CCDC38: variants seen among roughly 807,000 people sequenced by gnomAD.
CCDC38 encodes coiled-coil domain containing 38.
Under a neutral mutation model 72.8 loss-of-function variants are expected in CCDC38, and 69 were observed. The ratio of observed to expected loss-of-function variants is 0.95; its 90% CI spans 0.78 to 1.16. The LOEUF (loss-of-function observed/expected upper bound fraction) is 1.16. Among genes scored for constraint, CCDC38 ranks in the 50% most tolerant of loss-of-function variants. The pLI, the probability that CCDC38 is intolerant of heterozygous loss-of-function variation, is 0.00. For missense variants in CCDC38, 626 were observed against 638.9 expected, an observed-to-expected ratio of 0.98 and a Z score of 0.22; for synonymous variants, 201 against 213.2, an observed-to-expected ratio of 0.94 and a Z score of 0.50.
chr12:95,920,390 T>C (rs2080191935), intron 2 of CCDC38, among the ~76,000 whole-genome samples: 1 of 152,216 alleles, frequency 6.6e-6, no homozygotes, highest in Non-Finnish European at 1.5e-5. Flanking sequence ...CCATTAAATC[T>C]CTTTCATTTA....
chr12:95,877,064 G>C (rs1259004519), intron 13 of CCDC38, among the ~76,000 whole-genome samples: 2 of 152,016 alleles, frequency 1.3e-5, no homozygotes, highest in Non-Finnish European at 2.9e-5. Flanking sequence ...AGTTTTATTG[G>C]GGATGAAGAA....
At chr12:95,876,210 T>C (rs1316556815) in intron 13 of CCDC38, among the ~76,000 whole-genome samples, 2 of 152,184 alleles carry the variant, frequency 1.3e-5, no homozygotes, top group Non-Finnish European at 2.9e-5. Context: ...GGACCAATAT[T>C]GTATGATTCT....
intron 1 of CCDC38, 73 bp from the exon 2 acceptor site, chr12:95,936,596 C>A (rs2080397082): frequency 8.2e-7 from 1 of 1,219,606 alleles, no homozygotes; most frequent in Non-Finnish European, 1.2e-6. Context: ...ATTCAACTGC[C>A]AATGACTCCT....
chr12:95,879,923 C>T lies in CCDC38; in HGVS notation c.991-128G>A. 1.6e-6 allele frequency: 1 copy of T among 620,784 alleles called. No homozygotes were observed. The highest frequency in any genetic ancestry group is 2.8e-5 in the East Asian group (1 of 35,530). The allele number at this position is 620,784 out of a possible 1,614,324, so 38.5% of individuals were successfully genotyped here. A position where few individuals can be genotyped will look rare whatever the true frequency, so the allele number is the denominator to read the frequency against. ...AGGATGAGGGAGACACAGGTAGGAA[C>T]TTGTATGGGAAACTCGCCTATTTCC... On this transcript the variant is annotated intron_variant, in intron 11 of 15. Transcript: ENST00000344280. The surrounding 1 kb of genome is among the most constrained non-coding windows in gnomAD (Gnocchi z 5.5).
intron 3 of CCDC38, 62 bp downstream of exon 3, chr12:95,918,814 G>T: frequency 1.8e-6 from 2 of 1,133,856 alleles, no homozygotes; most frequent in Non-Finnish European, 1.3e-6. Flanking sequence ...GTTCATAAGA[G>T]CAATAGGTAA....
At chr12:95,918,000 G>A (rs1403842201) in intron 3 of CCDC38, among the ~76,000 whole-genome samples, 2 of 152,062 alleles carry the variant, frequency 1.3e-5, no homozygotes, top group Non-Finnish European at 2.9e-5. Flanking sequence ...TTAATTTTAA[G>A]TATGTTCCAC....
At chr12:95,901,370 A>C (rs1461049156) in intron 5 of CCDC38, among the ~76,000 whole-genome samples, 1 of 152,210 alleles carries the variant, frequency 6.6e-6, no homozygotes, top group Non-Finnish European at 1.5e-5. Flanking sequence ...TGAAGTCTGA[A>C]ATGGTTATTG....
intron 4 of CCDC38, among the ~76,000 whole-genome samples, chr12:95,908,054 T>C (rs547543026): frequency 1.3e-5 from 2 of 152,134 alleles, no homozygotes; most frequent in Non-Finnish European, 1.5e-5. Flanking sequence ...CCTTCCCAGA[T>C]GGGGTGGCGG....
At chr12:95,907,706 G>T (rs1480729267) in intron 4 of CCDC38, among the ~76,000 whole-genome samples, 1 of 146,806 alleles carries the variant, frequency 6.8e-6, no homozygotes. Flanking sequence ...TGGGCGGAGG[G>T]GCTCCTCACT....
intron 1 of CCDC38, among the ~76,000 whole-genome samples, chr12:95,940,250 C>T (rs779555470): frequency 5.3e-5 from 8 of 152,112 alleles, no homozygotes; most frequent in Non-Finnish European, 8.8e-5. Context: ...GAGGAGTCTA[C>T]CAGCAATATC....
At position 95,881,534 on chromosome 12, in the gene CCDC38, G is replaced by C; in HGVS notation, c.941C>G (p.Ser314Ter). 6.2e-7 allele frequency: 1 copy of C among 1,608,744 alleles called. No individual in the cohort carries two copies. The highest frequency in any genetic ancestry group is 8.5e-7 in the Non-Finnish European group (1 of 1,177,500). ...KKSNLAESFG[S>*]EDSLEFLLDD... Reference sequence around the variant, plus strand: ...TAAAAGGAATTCCAAACTGTCTTCTGAACCGAAACTTTCAGCCAGGCTGTA... The same window carrying C: ...TAAAAGGAATTCCAAACTGTCTTCTCAACCGAAACTTTCAGCCAGGCTGTA... Residue 314 changes from serine (S) to a stop codon, truncating the protein, a stop_gained, in exon 11 of 16, where the codon TCA (serine) becomes TGA (stop). Transcript: ENST00000344280. LOFTEE classifies it high-confidence loss of function.
At chr12:95,929,281 G>A (rs1034146136) in intron 2 of CCDC38, among the ~76,000 whole-genome samples, 11 of 152,264 alleles carry the variant, frequency 7.2e-5, no homozygotes, top group African/African-American at 2.2e-4. Context: ...CGCAGTATTC[G>A]GGTGGGAGTG....
chr12:95,904,917 A>G (rs960596434), intron 5 of CCDC38, among the ~76,000 whole-genome samples: 2 of 152,210 alleles, frequency 1.3e-5, no homozygotes, highest in African/African-American at 4.8e-5. Flanking sequence ...CTCTTTCTGG[A>G]CAAGGCCAGA....
chr12:95,901,839 G>C (rs1404151028), intron 5 of CCDC38, among the ~76,000 whole-genome samples: 1 of 152,178 alleles, frequency 6.6e-6, no homozygotes, highest in Non-Finnish European at 1.5e-5. Flanking sequence ...GGATTTAGCA[G>C]AGAATAGGGA....
chr12:95,886,010 C>T (rs1281099445), intron 10 of CCDC38, among the ~76,000 whole-genome samples: 1 of 152,056 alleles, frequency 6.6e-6, no homozygotes, highest in Non-Finnish European at 1.5e-5. Context: ...AATTGCTATT[C>T]TAACTTTGTG....
At chr12:95,875,853 A>G (rs1315190652) in intron 13 of CCDC38, among the ~76,000 whole-genome samples, 2 of 152,156 alleles carry the variant, frequency 1.3e-5, no homozygotes, top group African/African-American at 4.8e-5. Flanking sequence ...TTCTTTAGGT[A>G]TCTGGTTGCC....
chr12:95,916,461 A>G (rs1201602292), intron 4 of CCDC38, among the ~76,000 whole-genome samples: 1 of 150,786 alleles, frequency 6.6e-6, no homozygotes, highest in East Asian at 1.9e-4. Context: ...AACAATTTGG[A>G]AAACATTCAT....
At chr12:95,895,391 T>C (rs1393923582) in intron 7 of CCDC38, among the ~76,000 whole-genome samples, 3 of 137,760 alleles carry the variant, frequency 2.2e-5, no homozygotes, top group Non-Finnish European at 4.6e-5. Context: ...CATGATAGTT[T>C]TACTCGACTT....
At chr12:95,927,996 T>G (rs993329176) in intron 2 of CCDC38, among the ~76,000 whole-genome samples, 13 of 147,824 alleles carry the variant, frequency 8.8e-5, no homozygotes, top group African/African-American at 3.0e-4. Context: ...TCAACTTTGG[T>G]GAATCTGACA....
Sources: allele counts gnomAD v4.1 joint callset (sites outside exome capture counted in the v4.1 genomes callset), GRCh38; gene constraint gnomAD v4.1.1; non-coding constraint Gnocchi (gnomAD v3.1); transcripts MANE v1.5; gene names NCBI Gene and HGNC (gene_info 2026-07-23, HGNC 2026-07-21).